SLC10A6: variants seen among roughly 807,000 people sequenced by gnomAD.
SLC10A6 encodes solute carrier family 10 member 6.
Under a neutral mutation model 30.0 loss-of-function variants are expected in SLC10A6, and 27 were observed. That is an observed-to-expected ratio of 0.90 (90% CI 0.66 to 1.24). The LOEUF is 1.24. Ranked by LOEUF, SLC10A6 falls within the 50% of genes most tolerant of loss-of-function variation. The pLI, the probability that SLC10A6 is intolerant of heterozygous loss-of-function variation, is 0.00. For missense variants in SLC10A6, 439 were observed against 457.0 expected (o/e 0.96, Z 0.36); for synonymous variants, 166 against 173.8 (o/e 0.95, Z 0.36).
chr4:86,826,927 TGAG>T (rs1392341385), intron 4 of SLC10A6, among the ~76,000 whole-genome samples: 1 of 152,170 alleles, frequency 6.6e-6, no homozygotes, highest in African/African-American at 2.4e-5. Flanking sequence ...GGGTGTGTAA[TGAG>T]GGGGTGAAAA....
Position 86,823,714 on chromosome 4 carries a change from C to G in SLC10A6, c.1108G>C (p.Val370Leu). ...TATTCACATGAAGTGATGTGGCCAA[C>G]TGGCTCGAGAGCCCTGTGGCAATCC... is the stretch of plus-strand genomic sequence containing the variant. ...PMDCHRALEP[V>L]GHITSCE The change falls in exon 6 of 6, where the codon GTT becomes CTT. Residue 370 changes from valine (V) to leucine (L), a missense_variant. Transcript: ENST00000273905. 1 of 1,611,828 alleles carries G rather than the reference C, an allele frequency of 6.2e-7. No homozygotes were observed.
At chr4:86,843,886 G>T (rs1937764158) in intron 1 of SLC10A6, among the ~76,000 whole-genome samples, 2 of 152,006 alleles carry the variant, frequency 1.3e-5, no homozygotes, top group African/African-American at 4.8e-5. Context: ...CATTTTAGAA[G>T]TGAGGAAACT....
intron 3 of SLC10A6, among the ~76,000 whole-genome samples, chr4:86,830,373 G>C (rs768065437): frequency 1.3e-5 from 2 of 152,196 alleles, no homozygotes; most frequent in Non-Finnish European, 2.9e-5. Flanking sequence ...ACTCCAGCCT[G>C]AGTGACAGAG....
chr4:86,830,964 C>G (rs960727244), intron 3 of SLC10A6, among the ~76,000 whole-genome samples: 2 of 152,056 alleles, frequency 1.3e-5, no homozygotes, highest in Non-Finnish European at 2.9e-5. Flanking sequence ...CTCCTCTTTA[C>G]GTTTTGTTGT....
chr4:86,843,866 G>C (rs901498023), intron 1 of SLC10A6, among the ~76,000 whole-genome samples: 3 of 151,990 alleles, frequency 2.0e-5, no homozygotes, highest in Non-Finnish European at 2.9e-5. Context: ...CACGATGTAG[G>C]AATGCTTCTC....
rs780234942 is a variant in SLC10A6 at position 86,833,350 on chromosome 4, G to A, written c.452C>T (p.Ser151Phe). The A allele has an allele frequency of 7.4e-6, 12 of 1,613,964 alleles. No individual in the cohort carries two copies. Among genetic ancestry groups the A allele is most frequent in the Non-Finnish European group, 1.0e-5 (12 of 1,179,986 alleles). Residue 151 changes from serine (S) to phenylalanine (F), a missense_variant, in exon 2 of 6, where the codon TCC becomes TTC. By Grantham distance (155) the Ser-to-Phe change is radical. Transcript: ENST00000273905. ...MPLCIYLYTW[S>F]WSLQQNLTIP... Reference sequence around the variant, plus strand: ...GGTGAGATTCTGCTGAAGACTCCAGGACCAGGTGTAGAGATAAATGCAGAG... The same window carrying A: ...GGTGAGATTCTGCTGAAGACTCCAGAACCAGGTGTAGAGATAAATGCAGAG...
intron 1 of SLC10A6, among the ~76,000 whole-genome samples, chr4:86,844,826 G>T (rs1163527479): frequency 6.6e-6 from 1 of 152,182 alleles, no homozygotes; most frequent in Non-Finnish European, 1.5e-5. Flanking sequence ...TACAAACATG[G>T]CAGAAGGTGA....
chr4:86,843,395 G>A (rs897646491), intron 1 of SLC10A6, among the ~76,000 whole-genome samples: 6 of 152,090 alleles, frequency 3.9e-5, no homozygotes, highest in African/African-American at 1.2e-4. Flanking sequence ...TACATAATTC[G>A]GATTATGGGG....
At chr4:86,831,906 G>C (rs752365799) in intron 2 of SLC10A6, 26 bp from the exon 3 acceptor site, 46 of 1,588,182 alleles carry the variant, frequency 2.9e-5, no homozygotes, top group Middle Eastern at 1.7e-4. Context: ...ATCCATGAGA[G>C]GGTTTTCCCT....
intron 1 of SLC10A6, among the ~76,000 whole-genome samples, chr4:86,848,357 C>A (rs186922494): frequency 6.6e-6 from 1 of 152,164 alleles, no homozygotes; most frequent in African/African-American, 2.4e-5. Flanking sequence ...GACACAACCA[C>A]GACGGCTGCT....
intron 1 of SLC10A6, among the ~76,000 whole-genome samples, chr4:86,835,193 A>G (rs1225210701): frequency 6.6e-6 from 1 of 152,134 alleles, no homozygotes; most frequent in African/African-American, 2.4e-5. Context: ...CGCAAACACC[A>G]CATGCCATAA....
chr4:86,832,152 A>G (rs1220593139), intron 2 of SLC10A6, among the ~76,000 whole-genome samples: 1 of 152,194 alleles, frequency 6.6e-6, no homozygotes, highest in Non-Finnish European at 1.5e-5. Flanking sequence ...ACATAAAATC[A>G]TGGTTTCTAA....
intron 1 of SLC10A6, among the ~76,000 whole-genome samples, chr4:86,842,515 C>G (rs1332457904): frequency 1.3e-5 from 2 of 152,050 alleles, no homozygotes; most frequent in African/African-American, 2.4e-5. Context: ...CATAGTGAGA[C>G]CTCATCTCTG....
intron 1 of SLC10A6, among the ~76,000 whole-genome samples, chr4:86,842,799 T>C (rs1485484734): frequency 3.4e-4 from 2 of 5,838 alleles, no homozygotes; most frequent in South Asian, 6.1e-3. Context: ...TCTTTCTTTC[T>C]TTCTTTCTTT....
At chr4:86,846,987 G>A (rs1746404866) in intron 1 of SLC10A6, among the ~76,000 whole-genome samples, 2 of 152,128 alleles carry the variant, frequency 1.3e-5, no homozygotes, top group African/African-American at 4.8e-5. Flanking sequence ...AAGAGATTAA[G>A]GTAATAAATG....
chr4:86,829,818 C>A (rs1470591800), intron 3 of SLC10A6, among the ~76,000 whole-genome samples: 4 of 151,112 alleles, frequency 2.6e-5, no homozygotes, highest in Non-Finnish European at 5.9e-5. Context: ...TATGAAATAC[C>A]CAAAAGAAAA....
At chr4:86,835,470 C>T (rs1267769098) in intron 1 of SLC10A6, among the ~76,000 whole-genome samples, 1 of 152,162 alleles carries the variant, frequency 6.6e-6, no homozygotes, top group Non-Finnish European at 1.5e-5. Context: ...AGTTCGAGAC[C>T]AGCCTGGCCA....
At chr4:86,831,036 G>A (rs964845372) in intron 3 of SLC10A6, among the ~76,000 whole-genome samples, 1 of 152,148 alleles carries the variant, frequency 6.6e-6, no homozygotes, top group African/African-American at 2.4e-5. Context: ...GCAATGGCAT[G>A]ATAATGGCTC....
At chr4:86,842,407 G>A (rs75135258) in intron 1 of SLC10A6, among the ~76,000 whole-genome samples, 4,802 of 152,280 alleles carry the variant, frequency 0.032, 247 homozygotes, top group African/African-American at 0.11. Context: ...GATAGTGGGA[G>A]GCCAGGCGTA....
Sources: allele counts gnomAD v4.1 joint callset (sites outside exome capture counted in the v4.1 genomes callset), GRCh38; gene constraint gnomAD v4.1.1; transcripts MANE v1.5; gene names NCBI Gene and HGNC (gene_info 2026-07-23, HGNC 2026-07-21).